The following QSOX1 variants were observed in gnomAD, a reference collection of about 807,000 sequenced individuals.
QSOX1 encodes sulfhydryl oxidase 1.
A neutral mutation model predicts 76.1 loss-of-function variants in QSOX1; 40 were observed. That is an observed-to-expected ratio of 0.53 (90% confidence interval 0.41 to 0.68). The LOEUF (loss-of-function observed/expected upper bound fraction) is 0.68. QSOX1 is among the 30% of genes least tolerant of loss of function. QSOX1 has a pLI of 0.00. For missense variants in QSOX1, 931 were observed against 974.3 expected, an observed-to-expected ratio of 0.96 and a Z score of 0.59; for synonymous variants, 392 against 413.1, an observed-to-expected ratio of 0.95 and a Z score of 0.62.
intron 10 of QSOX1, among the ~76,000 whole-genome samples, chr1:180,191,205 G>A (rs1022859063): frequency 6.6e-6 from 1 of 152,186 alleles, no homozygotes; most frequent in Non-Finnish European, 1.5e-5. Flanking sequence ...GCTTGGCTTG[G>A]AGGATAGATA....
rs1402831157 is a variant in QSOX1, at chr1:180,199,979, G to T, written c.*2942G>T. On this transcript the variant is annotated 3_prime_UTR_variant, in exon 12 of 12. Coordinates refer to ENST00000367602, the MANE Select transcript of QSOX1 (RefSeq NM_002826.5). ...ACCCCTGATGCAGCCTGTCCTCTGG[G>T]TGTGGGGGTGGAGGAGAGGGCTCCA... 2.6e-5 allele frequency: 4 copies of T among 152,138 alleles called. No individual in the cohort carries two copies. Among genetic ancestry groups the T allele is most frequent in the Admixed American group, 6.5e-5 (1 of 15,272 alleles). The allele number at this position is 152,138 out of a possible 1,614,324, so 9.4% of individuals were successfully genotyped here.
At chr1:180,156,933 C>G (rs967793043) in intron 1 of QSOX1, among the ~76,000 whole-genome samples, 2 of 152,182 alleles carry the variant, frequency 1.3e-5, no homozygotes, top group African/African-American at 4.8e-5. Flanking sequence ...TCTAGAATTT[C>G]TTCCTTCTTG....
chr1:180,196,955 T>C lies in QSOX1; in HGVS notation c.2162T>C (p.Phe721Ser), dbSNP rs751838981. 2.7e-5 allele frequency: 44 copies of C among 1,610,208 alleles called. No homozygotes were observed. The highest frequency in any genetic ancestry group is 3.7e-5 in the Non-Finnish European group (43 of 1,177,724). The change falls in exon 12 of 12, where the codon TTC becomes TCC. Residue 721 changes from phenylalanine to serine, a missense_variant. Phe to Ser is a radical substitution (Grantham distance 155). Transcript: ENST00000367602. The surrounding 1 kb of genome is among the most constrained non-coding windows in gnomAD (Gnocchi z 4.1). The part of the protein sequence containing the change: ...SLCVGLYSLS[F>S]MGLLAMYTYF... ...TGTGTGGGGCTCTATTCCCTGTCCT[T>C]CATGGGCCTGCTGGCCATGTACACC...
chr1:180,171,563 G>A (rs1662759913), intron 2 of QSOX1, among the ~76,000 whole-genome samples: 1 of 152,214 alleles, frequency 6.6e-6, no homozygotes, highest in African/African-American at 2.4e-5. Flanking sequence ...CAAAGTCATT[G>A]GCTTTGGCAA....
rs61734471 is a variant in QSOX1 at position 180,196,369 on chromosome 1, G to A, written c.1576G>A (p.Ala526Thr). Residue 526 changes from alanine (A) to threonine (T), a missense_variant, in exon 12 of 12, where the codon GCC (alanine) becomes ACC (threonine). By Grantham distance (58) the Ala-to-Thr change is moderately conservative (BLOSUM62 0). Coordinates refer to ENST00000367602, the MANE Select transcript of QSOX1 (RefSeq NM_002826.5). This position sits in a 1 kb window ranked among gnomAD's most constrained non-coding sequence, Gnocchi z 4.1. ...RLDVPVWDVE[A>T]TLNFLKAHFS... is the part of the protein sequence containing the mutation. ...GGATGTGCCCGTGTGGGACGTGGAA[G>A]CCACCCTCAACTTCCTCAAGGCCCA... 1 of 1,614,184 alleles carries A rather than the reference G, an allele frequency of 6.2e-7. No homozygotes were observed. The highest frequency in any genetic ancestry group is 8.5e-7 in the Non-Finnish European group (1 of 1,180,038).
intron 2 of QSOX1, among the ~76,000 whole-genome samples, 167 bp downstream of exon 2, chr1:180,166,758 C>G (rs1662641014): frequency 6.6e-6 from 1 of 152,212 alleles, no homozygotes; most frequent in Non-Finnish European, 1.5e-5. Context: ...TCCCAAGGTC[C>G]TCTTCAATTG....
At chr1:180,180,510 A>G (rs1054260792) in intron 5 of QSOX1, among the ~76,000 whole-genome samples, 1 of 151,820 alleles carries the variant, frequency 6.6e-6, no homozygotes, top group African/African-American at 2.4e-5. Flanking sequence ...GCGCCCAACC[A>G]GGAACTTTAT....
At chr1:180,175,481 G>C in intron 3 of QSOX1, 115 bp downstream of exon 3, 4 of 1,148,032 alleles carry the variant, frequency 3.5e-6, no homozygotes, top group South Asian at 2.5e-5. Context: ...CGAGGGTGAG[G>C]CGGTCCCCAC....
intron 10 of QSOX1, among the ~76,000 whole-genome samples, chr1:180,192,949 A>G (rs1375466276): frequency 1.3e-5 from 2 of 152,082 alleles, no homozygotes; most frequent in Non-Finnish European, 2.9e-5. Flanking sequence ...GGGGCCCCAG[A>G]GTCCAGTGTT....
intron 1 of QSOX1, among the ~76,000 whole-genome samples, chr1:180,164,877 C>A (rs773805063): frequency 6.6e-6 from 1 of 152,096 alleles, no homozygotes; most frequent in Non-Finnish European, 1.5e-5. Flanking sequence ...GGGGAGGCCT[C>A]AGGGAGCTTT....
chr1:180,186,634 C>A (rs1476659909), intron 8 of QSOX1, among the ~76,000 whole-genome samples: 2 of 152,254 alleles, frequency 1.3e-5, no homozygotes, highest in East Asian at 3.8e-4. Context: ...TGGCCCTGGC[C>A]ATGCCTTCCT....
chr1:180,155,499 C>T (rs34430949), intron 1 of QSOX1, among the ~76,000 whole-genome samples: 37,803 of 152,126 alleles, frequency 0.25, 6,024 homozygotes, highest in African/African-American at 0.45. Context: ...TTCCTTCCTC[C>T]GCATGGTCCG....
At position 180,201,198 on chromosome 1, in the gene QSOX1, T is replaced by TGGAGA. The variant is rs1663630908; in HGVS notation, c.*4169_*4173dup. 6.6e-6 allele frequency: 1 copy of TGGAGA among 151,994 alleles called. No homozygotes were observed. Among genetic ancestry groups the TGGAGA allele is most frequent in the South Asian group, 2.1e-4 (1 of 4,818 alleles). 9.4% of individuals were successfully genotyped at this position (151,994 alleles called of 1,614,324 possible). A position where few individuals can be genotyped will look rare whatever the true frequency, so the allele number is the denominator to read the frequency against. The stretch of plus-strand genomic sequence containing the variant: ...CATGTATTGCCAGCTACATGTAGAG[T>TGGAGA]GGAGAGGAGAGGTTTTTCCTGCAGG... On this transcript the variant is annotated 3_prime_UTR_variant, in exon 12 of 12. Coordinates refer to ENST00000367602, the MANE Select transcript of QSOX1 (RefSeq NM_002826.5).
intron 5 of QSOX1, among the ~76,000 whole-genome samples, chr1:180,180,452 C>T (rs10798736): frequency 0.16 from 25,112 of 152,202 alleles, 2,149 homozygotes; most frequent in Middle Eastern, 0.22. Flanking sequence ...TCAGGAGATC[C>T]GCCCACCTCA....
chr1:180,178,447 C>A (rs548770608), intron 4 of QSOX1, among the ~76,000 whole-genome samples: 120 of 152,308 alleles, frequency 7.9e-4, no homozygotes, highest in Middle Eastern at 6.8e-3. Context: ...AGGCTGGTCT[C>A]GAACTCCAGA....
At chr1:180,175,390 C>T in intron 3 of QSOX1, 24 bp downstream of exon 3, 1 of 1,610,326 alleles carries the variant, frequency 6.2e-7, no homozygotes, top group Non-Finnish European at 8.5e-7. Flanking sequence ...TCTGGTTGTC[C>T]TGTTAGCATC....
chr1:180,163,858 G>A lies in QSOX1; in HGVS notation c.266-2633G>A, dbSNP rs777690996. On this transcript the variant is annotated intron_variant, in intron 1 of 11. Transcript: ENST00000367602. ...ATTTGGTGGCTAGAGAGGGCAGTGA[G>A]GGGTGGAGCACATTAGAACCTCACC... Among the ~76,000 whole-genome samples, 52 of 152,292 alleles carry A rather than the reference G, an allele frequency of 3.4e-4. 1 individual carries two copies. Among genetic ancestry groups the A allele is most frequent in the South Asian group, 1.0e-3 (5 of 4,828 alleles).
At position 180,203,418 on chromosome 1, in the gene QSOX1, TAAG is replaced by T. The variant is rs577861550; in HGVS notation, c.*6382_*6384del. On this transcript the variant is annotated 3_prime_UTR_variant, in exon 12 of 12. Transcript: ENST00000367602. ...AAGTGAGGTGCCAGGATGCAAAAGTTAAGGAGACACCTGACCTCAGGGGCCCAC... is the reference window on the plus strand; with the variant it reads ...AAGTGAGGTGCCAGGATGCAAAAGTTGAGACACCTGACCTCAGGGGCCCAC... 2 of 152,298 alleles carry T rather than the reference TAAG, an allele frequency of 1.3e-5. No individual in the cohort carries two copies. Among genetic ancestry groups the T allele is most frequent in the South Asian group, 2.1e-4 (1 of 4,826 alleles). 9.4% of individuals were successfully genotyped at this position (152,298 alleles called of 1,614,324 possible). A position where few individuals can be genotyped will look rare whatever the true frequency, so the allele number is the denominator to read the frequency against.
At chr1:180,165,439 C>G (rs1662591389) in intron 1 of QSOX1, among the ~76,000 whole-genome samples, 1 of 152,256 alleles carries the variant, frequency 6.6e-6, no homozygotes, top group Admixed American at 6.5e-5. Context: ...TCCCATGCCT[C>G]CCAAAAACCC....
Sources: gnomAD v4.1 joint callset for allele counts (sites outside exome capture counted in the v4.1 genomes callset) on GRCh38, gnomAD v4.1.1 for gene constraint, Gnocchi (gnomAD v3.1) non-coding constraint, MANE v1.5 for transcripts, NCBI Gene and HGNC (gene_info 2026-07-23, HGNC 2026-07-21) for gene names.